Variants in FAF1 observed in about 807,000 individuals in gnomAD.
The protein encoded by FAF1 is Fas associated factor 1, also known as FAS-associated factor 1.
Under a neutral mutation model 92.5 loss-of-function variants are expected in FAF1, and 25 were observed. The ratio of observed to expected loss-of-function variants is 0.27; its 90% CI spans 0.20 to 0.38. FAF1 has a LOEUF of 0.38. Among genes scored for constraint, FAF1 ranks in the 10% least tolerant of loss-of-function variants. FAF1 has a pLI of 1.00. For synonymous variants in FAF1, 234 were observed against 273.2 expected, an observed-to-expected ratio of 0.86 and a Z score of 1.42; for missense variants, 636 against 793.3, an observed-to-expected ratio of 0.80 and a Z score of 2.38.
intron 4 of FAF1, among the ~76,000 whole-genome samples, chr1:50,773,690 C>T (rs1262384065): frequency 6.6e-6 from 1 of 152,132 alleles, no homozygotes; most frequent in African/African-American, 2.4e-5. Context: ...ATACAGTGAG[C>T]TCCGTGGATA....
intron 7 of FAF1, among the ~76,000 whole-genome samples, chr1:50,669,568 T>C (rs562692482): frequency 1.3e-5 from 2 of 151,022 alleles, no homozygotes; most frequent in East Asian, 3.9e-4. Context: ...ATAAAAAAAA[T>C]TGGGGGAAAA....
At chr1:50,647,113 C>T (rs986886338) in intron 8 of FAF1, among the ~76,000 whole-genome samples, 4 of 152,024 alleles carry the variant, frequency 2.6e-5, no homozygotes, top group South Asian at 2.1e-4. Context: ...CCTCCCAAAC[C>T]GCTGGGAGTA....
At chr1:50,545,307 C>T (rs1332480160) in intron 13 of FAF1, among the ~76,000 whole-genome samples, 1 of 152,148 alleles carries the variant, frequency 6.6e-6, no homozygotes, top group African/African-American at 2.4e-5. Context: ...TGGAGTCTTG[C>T]TCTGTCACCC....
chr1:50,663,623 T>C (rs992879131), intron 7 of FAF1, among the ~76,000 whole-genome samples: 6 of 151,444 alleles, frequency 4.0e-5, no homozygotes, highest in Admixed American at 6.6e-5. Context: ...CAGGCTGGTC[T>C]CGAACTCCTG....
chr1:50,587,556 C>T (rs1282425085), intron 9 of FAF1, among the ~76,000 whole-genome samples: 2 of 151,970 alleles, frequency 1.3e-5, no homozygotes, highest in Non-Finnish European at 2.9e-5. Flanking sequence ...GATAATCTCT[C>T]GGTATCTGTC....
At chr1:50,704,623 T>C (rs1242995206) in intron 7 of FAF1, among the ~76,000 whole-genome samples, 1 of 152,112 alleles carries the variant, frequency 6.6e-6, no homozygotes, top group African/African-American at 2.4e-5. Context: ...GAGAATAAAA[T>C]ACTCATTATG....
chr1:50,682,411 G>T (rs1197574151), intron 7 of FAF1, among the ~76,000 whole-genome samples: 3 of 152,230 alleles, frequency 2.0e-5, no homozygotes, highest in African/African-American at 7.2e-5. Context: ...GCTGAGGTGG[G>T]AGAACTGATT....
chr1:50,645,799 G>GC, intron 8 of FAF1, among the ~76,000 whole-genome samples: 1 of 151,704 alleles, frequency 6.6e-6, no homozygotes, highest in South Asian at 2.1e-4. Context: ...CTGCAGTCCA[G>GC]CCTGGGGGAC....
chr1:50,781,573 C>T (rs1320769780), intron 4 of FAF1, among the ~76,000 whole-genome samples: 1 of 152,044 alleles, frequency 6.6e-6, no homozygotes, highest in Non-Finnish European at 1.5e-5. Context: ...TTTCAACACC[C>T]CATTTTCAAT....
chr1:50,686,483 C>T (rs921918560), intron 7 of FAF1, among the ~76,000 whole-genome samples: 7 of 151,566 alleles, frequency 4.6e-5, no homozygotes, highest in Non-Finnish European at 7.4e-5. Context: ...TGGAAGTTGC[C>T]GTGAGCTGAG....
At chr1:50,756,697 T>C (rs961476631) in intron 4 of FAF1, among the ~76,000 whole-genome samples, 1 of 152,172 alleles carries the variant, frequency 6.6e-6, no homozygotes, top group African/African-American at 2.4e-5. Context: ...TAGTTCCACA[T>C]GGTTGGGGAG....
chr1:50,655,471 C>T lies in FAF1; in HGVS notation c.715G>A (p.Gly239Ser). The change falls in exon 8 of 19, where the codon GGC (glycine) becomes AGC (serine). Residue 239 changes from glycine to serine, a missense_variant. By Grantham distance (56) the Gly-to-Ser change is moderately conservative. Around this residue, in one of 2 missense-constraint regions of FAF1, gnomAD observed 317 missense variants for 342.4 expected, o/e 0.93. Transcript: ENST00000396153. The part of the protein sequence containing the change: ...SIPVRHQLWE[G>S]WPTSATDDSM... The stretch of plus-strand genomic sequence containing the variant: ...TCGTCTGTAGCAGAAGTTGGCCAGC[C>T]CTCCCATAATTGGTGGCGAACGGGG... 1 of 1,613,750 alleles carries T rather than the reference C, an allele frequency of 6.2e-7. No homozygotes were observed. The highest frequency in any genetic ancestry group is 8.5e-7 in the Non-Finnish European group (1 of 1,179,704).
intron 8 of FAF1, among the ~76,000 whole-genome samples, chr1:50,626,434 T>C (rs1653500848): frequency 6.6e-6 from 1 of 151,988 alleles, no homozygotes; most frequent in Non-Finnish European, 1.5e-5. Context: ...AATGTTTGAG[T>C]TGAAAGAATA....
At chr1:50,946,643 G>GT (rs961041265) in intron 1 of FAF1, among the ~76,000 whole-genome samples, 3 of 152,174 alleles carry the variant, frequency 2.0e-5, no homozygotes, top group African/African-American at 7.2e-5. Context: ...TAGCCTGCCA[G>GT]TTTCGTGGAT....
At chr1:50,480,935 G>C (rs1043255986) in intron 17 of FAF1, among the ~76,000 whole-genome samples, 2 of 152,132 alleles carry the variant, frequency 1.3e-5, no homozygotes, top group Non-Finnish European at 2.9e-5. Flanking sequence ...TGTGAATATG[G>C]AAGACAATGA....
At chr1:50,454,876 C>T (rs908848433) in intron 18 of FAF1, among the ~76,000 whole-genome samples, 2 of 152,192 alleles carry the variant, frequency 1.3e-5, no homozygotes, top group South Asian at 2.1e-4. Flanking sequence ...ATTTTACTGG[C>T]TACCTATCCC....
chr1:50,738,488 T>C (rs1427288849), intron 6 of FAF1, among the ~76,000 whole-genome samples: 1 of 152,056 alleles, frequency 6.6e-6, no homozygotes, highest in Non-Finnish European at 1.5e-5. Flanking sequence ...TTTCAAGCTT[T>C]ACTCTGCAGA....
chr1:50,715,930 T>A (rs548764553), intron 6 of FAF1, among the ~76,000 whole-genome samples: 12 of 152,324 alleles, frequency 7.9e-5, no homozygotes, highest in African/African-American at 2.6e-4. Context: ...TATTATTAGC[T>A]TACATATATC....
intron 2 of FAF1, among the ~76,000 whole-genome samples, chr1:50,847,576 G>C (rs1644312817): frequency 6.6e-6 from 1 of 151,810 alleles, no homozygotes; most frequent in Non-Finnish European, 1.5e-5. Flanking sequence ...ACACTGAAAA[G>C]AACAAACAAA....
Sources: gnomAD v4.1 joint callset for allele counts (sites outside exome capture counted in the v4.1 genomes callset) on GRCh38, gnomAD v4.1.1 for gene constraint, gnomAD v4.1.1 regional missense constraint, MANE v1.5 for transcripts, NCBI Gene and HGNC (gene_info 2026-07-23, HGNC 2026-07-21) for gene names.